The following RHOBTB1 variants were observed in gnomAD, a reference collection of about 807,000 sequenced individuals.
RHOBTB1 encodes the protein rho-related BTB domain-containing protein 1.
In RHOBTB1, 40 loss-of-function variants were observed where a neutral mutation model predicts 71.6. The observed-to-expected ratio is 0.56, with a 90% CI of 0.43 to 0.73. The LOEUF is 0.73. Ranked by LOEUF, RHOBTB1 falls within the 30% of genes least tolerant of loss-of-function variation. The pLI, the probability that RHOBTB1 is intolerant of heterozygous loss-of-function variation, is 0.00. For synonymous variants in RHOBTB1, 319 were observed against 334.9 expected (o/e 0.95, Z 0.52); for missense variants, 797 against 894.0 (o/e 0.89, Z 1.38).
Position 60,871,375 on chromosome 10 carries a change from TG to T in RHOBTB1, c.*106del. On this transcript the variant is annotated 3_prime_UTR_variant, in exon 11 of 11. Transcript: ENST00000337910. ...TGGAGGAAGATCAGTGCCCGAAACC[TG>T]AACTATGTCGTATCTCTAACAAGAC... 8.7e-7 allele frequency: 1 copy of T among 1,146,808 alleles called. No individual in the cohort carries two copies. The highest frequency in any genetic ancestry group is 1.2e-6 in the Non-Finnish European group (1 of 807,636). The allele number at this position is 1,146,808 out of a possible 1,614,324, so 71.0% of individuals were successfully genotyped here. A position where few individuals can be genotyped will look rare whatever the true frequency, so the allele number is the denominator to read the frequency against.
At chr10:60,885,514 C>G (rs1371881473) in intron 7 of RHOBTB1, among the ~76,000 whole-genome samples, 1 of 152,096 alleles carries the variant, frequency 6.6e-6, no homozygotes. Flanking sequence ...GTTAACAAAC[C>G]CTCATATCCC....
chr10:60,938,596 G>A (rs1324347824), intron 2 of RHOBTB1, among the ~76,000 whole-genome samples: 4 of 152,048 alleles, frequency 2.6e-5, no homozygotes, highest in African/African-American at 7.2e-5. Context: ...AATTTATCCA[G>A]GCAAAAATGT....
chr10:60,913,654 C>T (rs2083111981), intron 2 of RHOBTB1, among the ~76,000 whole-genome samples: 1 of 152,082 alleles, frequency 6.6e-6, no homozygotes. Context: ...AGTTCTGCTT[C>T]TAGTGGGTAG....
chr10:60,978,496 G>A (rs1474003550), intron 2 of RHOBTB1, among the ~76,000 whole-genome samples: 2 of 152,204 alleles, frequency 1.3e-5, no homozygotes, highest in Non-Finnish European at 2.9e-5. Flanking sequence ...TTAAGGCTAA[G>A]TTGGGAGAGA....
rs148718964 is a variant in RHOBTB1 at position 60,913,212 on chromosome 10, A to G, written c.-10-1660T>C. Among the ~76,000 whole-genome samples, 1,160 of 152,322 alleles carry G rather than the reference A, an allele frequency of 7.6e-3. 16 individuals are homozygous for G. Among genetic ancestry groups the G allele is most frequent in the African/African-American group, 0.026 (1,088 of 41,564 alleles). On this transcript the variant is annotated intron_variant, in intron 2 of 10. Coordinates refer to ENST00000337910, the MANE Select transcript of RHOBTB1 (RefSeq NM_014836.5). ...AGAAGTGAAGGGTATGGAACTGTCG[A>G]CTGTAACGCCATCACAGGAGGTGTT... is the stretch of plus-strand genomic sequence containing the variant.
Position 60,888,641 on chromosome 10 carries a change from C to T in RHOBTB1, c.1027G>A (p.Ala343Thr). 1 of 1,614,198 alleles carries T rather than the reference C, an allele frequency of 6.2e-7. No homozygotes were observed. The highest frequency in any genetic ancestry group is 8.5e-7 in the Non-Finnish European group (1 of 1,180,040). Residue 343 changes from alanine to threonine, a missense_variant, in exon 6 of 11, where the codon GCC becomes ACC. By Grantham distance (58) the Ala-to-Thr change is moderately conservative. This residue lies in a region of RHOBTB1 where 658 missense variants were observed against 681.5 expected (regional missense o/e 0.97). Transcript: ENST00000337910. Reference sequence around the variant, plus strand: ...TTGTTTGAAGACTTCCACTGGTCGGCCTGAGGAATCCTAGGCGGGCCCTCC... The same window carrying T: ...TTGTTTGAAGACTTCCACTGGTCGGTCTGAGGAATCCTAGGCGGGCCCTCC... ...REEGPPRIPQ[A>T]DQWKSSNKSL...
intron 4 of RHOBTB1, among the ~76,000 whole-genome samples, chr10:60,893,358 T>C (rs2082013987): frequency 6.6e-6 from 1 of 152,064 alleles, no homozygotes; most frequent in East Asian, 1.9e-4. Context: ...GAAAAGAAAA[T>C]ACAAACTACC....
At chr10:60,972,002 C>A (rs891226688) in intron 2 of RHOBTB1, among the ~76,000 whole-genome samples, 4 of 152,056 alleles carry the variant, frequency 2.6e-5, no homozygotes, top group Non-Finnish European at 5.9e-5. Context: ...CCATCTCACA[C>A]GAGTTAGAAT....
rs566436511 is a variant in RHOBTB1, at chr10:60,872,409, A to T, written c.1816-119T>A. 1.0e-3 allele frequency: 725 copies of T among 719,274 alleles called. 5 individuals are homozygous for T. The South Asian group carries it at 0.012, about 12-fold the overall frequency. The allele number at this position is 719,274 out of a possible 1,614,324, so 44.6% of individuals were successfully genotyped here. On this transcript the variant is annotated intron_variant, in intron 9 of 10. Transcript: ENST00000337910. ...AAGGGCTTATATAACTAATTCGGTA[A>T]ACCTCTTGTTTTGACCTCAATGTTT...
chr10:60,953,094 G>C (rs1463364323), intron 2 of RHOBTB1, among the ~76,000 whole-genome samples: 2 of 152,108 alleles, frequency 1.3e-5, no homozygotes, highest in Non-Finnish European at 2.9e-5. Flanking sequence ...GATAAAATGG[G>C]AAAGTCATGC....
chr10:60,966,241 T>C (rs2085952857), intron 2 of RHOBTB1, among the ~76,000 whole-genome samples: 1 of 152,020 alleles, frequency 6.6e-6, no homozygotes, highest in Admixed American at 6.6e-5. Context: ...AGTTTATCTG[T>C]CTATATTTTT....
rs547691366 is a variant in RHOBTB1 at position 60,974,388 on chromosome 10, T to A, written c.-62+11457A>T. Among the ~76,000 whole-genome samples the A allele has an allele frequency of 7.9e-5, 12 of 152,182 alleles. No individual in the cohort carries two copies. The South Asian group carries it at 2.1e-3, about 26-fold the overall frequency. ...TGCTTGATAAAATAACTATAGTTTCTCTTTGTTTTTCAAATTTCAAGATAA... is the reference window on the plus strand; with the variant it reads ...TGCTTGATAAAATAACTATAGTTTCACTTTGTTTTTCAAATTTCAAGATAA... On this transcript the variant is annotated intron_variant, in intron 2 of 11. Transcript: ENST00000357917.
chr10:60,883,451 T>G (rs551424800), intron 7 of RHOBTB1, among the ~76,000 whole-genome samples: 1 of 152,328 alleles, frequency 6.6e-6, no homozygotes, highest in East Asian at 1.9e-4. Context: ...ATTCGTGAGG[T>G]CAGCTCTGAC....
intron 2 of RHOBTB1, among the ~76,000 whole-genome samples, chr10:60,971,487 G>T (rs1227773085): frequency 6.6e-6 from 1 of 152,146 alleles, no homozygotes; most frequent in Middle Eastern, 3.2e-3. Context: ...AAACTGGCTA[G>T]CCATATGCAG....
chr10:60,892,298 AG>A (rs1447495773), intron 5 of RHOBTB1, among the ~76,000 whole-genome samples: 2 of 152,212 alleles, frequency 1.3e-5, no homozygotes, highest in African/African-American at 4.8e-5. Flanking sequence ...TTGCAACTAT[AG>A]GTCCGAATGA....
Position 60,871,616 on chromosome 10 carries a change from G to A in RHOBTB1, c.1957C>T (p.Pro653Ser). 3 of 1,614,032 alleles carry A rather than the reference G, an allele frequency of 1.9e-6. No homozygotes were observed. Among genetic ancestry groups the A allele is most frequent in the South Asian group, 1.1e-5 (1 of 91,068 alleles). The change falls in exon 11 of 11, where the codon CCT becomes TCT. Residue 653 changes from proline to serine, a missense_variant. Pro to Ser is a moderately conservative substitution (Grantham distance 74). Around this residue, in one of 2 missense-constraint regions of RHOBTB1, gnomAD observed 658 missense variants for 681.5 expected, o/e 0.97. Transcript: ENST00000337910. ...QEYFERHRWPPVWYLKEEDHY... is the reference protein window; with the variant it reads ...QEYFERHRWPSVWYLKEEDHY... ...TCTTCTTCCTTCAGGTACCACACAG[G>A]GGGCCAGCGGTGCCGCTCGAAGTAT...
chr10:60,999,828 G>A (rs949859641), intron 1 of RHOBTB1, among the ~76,000 whole-genome samples: 8 of 152,132 alleles, frequency 5.3e-5, no homozygotes, highest in Admixed American at 4.6e-4. Context: ...AAGTTCACTG[G>A]GTCCCTCTTC....
intron 2 of RHOBTB1, among the ~76,000 whole-genome samples, chr10:60,938,478 C>T (rs1049619906): frequency 8.5e-5 from 13 of 152,118 alleles, no homozygotes; most frequent in Admixed American, 7.2e-4. Flanking sequence ...GCTAAGGGTC[C>T]TTAATAAGGA....
At chr10:60,931,542 C>T (rs7073240) in intron 2 of RHOBTB1, among the ~76,000 whole-genome samples, 72,523 of 151,954 alleles carry the variant, frequency 0.48, 18,024 homozygotes, top group East Asian at 0.74. Context: ...GAAAAATATT[C>T]TTAGACATAT....
Sources: allele counts gnomAD v4.1 joint callset (sites outside exome capture counted in the v4.1 genomes callset), GRCh38; gene constraint gnomAD v4.1.1; regional missense constraint gnomAD v4.1.1; transcripts MANE v1.5; gene names NCBI Gene and HGNC (gene_info 2026-07-23, HGNC 2026-07-21).